PCDHGB3: variants seen among roughly 807,000 people sequenced by gnomAD.
PCDHGB3 encodes protocadherin gamma subfamily B, 3.
Under a neutral mutation model 59.2 loss-of-function variants are expected in PCDHGB3, and 40 were observed. The ratio of observed to expected loss-of-function variants is 0.68; its 90% CI spans 0.52 to 0.88. PCDHGB3 has a LOEUF of 0.88. Ranked by LOEUF, PCDHGB3 falls within the 40% of genes least tolerant of loss-of-function variation. The pLI, the probability that PCDHGB3 is intolerant of heterozygous loss-of-function variation, is 0.00. For synonymous variants in PCDHGB3, 581 were observed against 503.6 expected, an observed-to-expected ratio of 1.15 and a Z score of -2.06; for missense variants, 1,309 against 1,187.9, an observed-to-expected ratio of 1.10 and a Z score of -1.50.
At chr5:141,441,615 G>A in intron 1 of PCDHGB3, 1 of 219,248 alleles carries the variant, frequency 4.6e-6, no homozygotes, top group Non-Finnish European at 9.2e-6. Context: ...TTCCATCGTG[G>A]CCAGTGACCT....
chr5:141,374,302 G>A (rs769015747), intron 1 of PCDHGB3: 2 of 1,613,984 alleles, frequency 1.2e-6, no homozygotes, highest in Non-Finnish European at 1.7e-6. Flanking sequence ...GTAGGATGCA[G>A]CTTTTCTCTC....
At chr5:141,496,310 A>G (rs1446146598) in intron 2 of PCDHGB3, among the ~76,000 whole-genome samples, 1 of 152,218 alleles carries the variant, frequency 6.6e-6, no homozygotes, top group East Asian at 1.9e-4. Context: ...GCTCTGCGCC[A>G]GGCCTCCCAG....
chr5:141,429,421 C>T (rs1223756901), intron 1 of PCDHGB3, among the ~76,000 whole-genome samples: 1 of 151,486 alleles, frequency 6.6e-6, no homozygotes, highest in Non-Finnish European at 1.5e-5. Context: ...CATTATGTTG[C>T]CCAGGCTGGA....
chr5:141,465,440 A>T (rs1478987071), intron 1 of PCDHGB3, among the ~76,000 whole-genome samples: 1 of 152,194 alleles, frequency 6.6e-6, no homozygotes, highest in Non-Finnish European at 1.5e-5. Flanking sequence ...CTTAATGATT[A>T]CCCAAGAAAA....
intron 3 of PCDHGB3, among the ~76,000 whole-genome samples, chr5:141,505,697 C>T (rs540949327): frequency 1.4e-4 from 21 of 152,198 alleles, no homozygotes; most frequent in Admixed American, 7.2e-4. Context: ...TGGAGGAGAG[C>T]GAACAAGGAA....
chr5:141,409,879 A>C, intron 1 of PCDHGB3: 1 of 1,612,852 alleles, frequency 6.2e-7, no homozygotes. Context: ...ATGACAACGC[A>C]CCGCGGGTGC....
At chr5:141,379,728 G>A (rs1775778672) in intron 1 of PCDHGB3, 1 of 152,020 alleles carries the variant, frequency 6.6e-6, no homozygotes, top group African/African-American at 2.4e-5. Flanking sequence ...AATTTGCTAA[G>A]TTATGGCTAA....
intron 1 of PCDHGB3, chr5:141,419,325 A>G (rs1490162008): frequency 6.2e-7 from 1 of 1,613,586 alleles, no homozygotes; most frequent in Non-Finnish European, 8.5e-7. Flanking sequence ...CGTGTCTCCT[A>G]CTCTCTCATT....
chr5:141,471,080 C>T (rs2099249652), intron 1 of PCDHGB3, among the ~76,000 whole-genome samples: 1 of 147,610 alleles, frequency 6.8e-6, no homozygotes, highest in African/African-American at 2.5e-5. Context: ...ACAGGGTCTC[C>T]CTCTGTTGTC....
intron 2 of PCDHGB3, among the ~76,000 whole-genome samples, chr5:141,500,148 G>A (rs936567158): frequency 6.6e-6 from 1 of 150,990 alleles, no homozygotes; most frequent in Non-Finnish European, 1.5e-5. Flanking sequence ...ACTTTTCTTT[G>A]TGTAATCAAA....
In PCDHGB3 at chr5:141,372,616, C is replaced by T. The variant is rs1289157345; in HGVS notation, c.2222C>T (p.Pro741Leu). ...VCFKTVPGVLPTYSERTLPYS... is the reference protein window; with the variant it reads ...VCFKTVPGVLLTYSERTLPYS... ...TTCAAGACTGTACCTGGAGTTCTCC[C>T]CACCTACAGCGAAAGGACTTTGCCT... is the stretch of plus-strand genomic sequence containing the variant. The change falls in exon 1 of 4, where the codon CCC (proline) becomes CTC (leucine). Residue 741 changes from proline (P) to leucine (L), a missense_variant. Pro to Leu is a moderately conservative substitution (Grantham distance 98). Coordinates refer to ENST00000576222, the MANE Select transcript of PCDHGB3 (RefSeq NM_018924.5). 6.2e-7 allele frequency: 1 copy of T among 1,613,978 alleles called. No individual in the cohort carries two copies. The highest frequency in any genetic ancestry group is 1.3e-5 in the African/African-American group (1 of 75,052).
At chr5:141,407,271 GA>G (rs2094907406) in intron 1 of PCDHGB3, among the ~76,000 whole-genome samples, 1 of 152,204 alleles carries the variant, frequency 6.6e-6, no homozygotes, top group African/African-American at 2.4e-5. Context: ...CATGCAACAA[GA>G]AAATTGTTAC....
chr5:141,424,434 T>C (rs2096821185), intron 1 of PCDHGB3: 1 of 151,048 alleles, frequency 6.6e-6, no homozygotes, highest in Admixed American at 6.6e-5. Flanking sequence ...GAGGAAATAA[T>C]TGAATTATTG....
intron 1 of PCDHGB3, chr5:141,415,740 G>GTTTTTTGTTT (rs2095911797): frequency 3.9e-6 from 2 of 515,998 alleles, no homozygotes; most frequent in African/African-American, 2.8e-5. Context: ...GTTTATTAAG[G>GTTTTTTGTTT]TTTTTTTTTT....
intron 1 of PCDHGB3, chr5:141,478,419 G>A (rs2530208): frequency 3.7e-6 from 6 of 1,613,632 alleles, no homozygotes; most frequent in South Asian, 2.2e-5. Context: ...GACTCCCGCC[G>A]CAGCGACCCG....
chr5:141,404,746 A>T (rs1219726027), intron 1 of PCDHGB3: 2 of 1,613,308 alleles, frequency 1.2e-6, no homozygotes, highest in Admixed American at 3.3e-5. Flanking sequence ...ACAGAGACTC[A>T]GGCCAGAATG....
In PCDHGB3 at chr5:141,423,110, G is replaced by A. The variant is rs62621243; in HGVS notation, c.2415+50301G>A. On this transcript the variant is annotated intron_variant, in intron 1 of 3. Coordinates refer to ENST00000576222, the MANE Select transcript of PCDHGB3 (RefSeq NM_018924.5). ...GTGGGGGAGCACACGGGCGAGGTGC[G>A]TACAGCGCGGGCACTGCTGGACAGA... The A allele has an allele frequency of 0.016, 25,324 of 1,613,842 alleles. 257 individuals carry two copies. Among genetic ancestry groups the A allele is most frequent in the Non-Finnish European group, 0.019 (22,060 of 1,179,980 alleles).
chr5:141,387,929 A>C, intron 1 of PCDHGB3: 1 of 1,235,330 alleles, frequency 8.1e-7, no homozygotes, highest in Non-Finnish European at 1.1e-6. Flanking sequence ...AGAGGCTGCC[A>C]GTGCTCTTTC....
At chr5:141,495,209 C>T (rs548415564) in intron 2 of PCDHGB3, among the ~76,000 whole-genome samples, 1 of 152,342 alleles carries the variant, frequency 6.6e-6, no homozygotes, top group Admixed American at 6.5e-5. Flanking sequence ...GCCTAACCCC[C>T]TCCCCTGAGT....
Sources: allele counts gnomAD v4.1 joint callset (sites outside exome capture counted in the v4.1 genomes callset), GRCh38; gene constraint gnomAD v4.1.1; transcripts MANE v1.5; gene names NCBI Gene and HGNC (gene_info 2026-07-23, HGNC 2026-07-21).